Variants in CROCC2 observed in about 807,000 individuals in gnomAD.
CROCC2 encodes ciliary rootlet coiled-coil, rootletin family member 2.
In CROCC2, 163 loss-of-function variants were observed where a neutral mutation model predicts 177.6. The ratio of observed to expected loss-of-function variants is 0.92; its 90% CI spans 0.81 to 1.05. The LOEUF is 1.05. CROCC2 is among the 50% of genes least tolerant of loss of function. The probability of loss-of-function intolerance (pLI) is 0.00; values close to 1 mark genes in which losing one functional copy is unlikely to be tolerated. For synonymous variants in CROCC2, 904 were observed against 787.3 expected (o/e 1.15, Z -2.48); for missense variants, 1,929 against 1,797.8 (o/e 1.07, Z -1.32).
chr2:240,947,088 C>T (rs2059528628), intron 15 of CROCC2, among the ~76,000 whole-genome samples: 3 of 152,276 alleles, frequency 2.0e-5, no homozygotes, highest in South Asian at 2.1e-4. Context: ...TGCTTAGGGC[C>T]CTGCTCAGGC....
In CROCC2 at chr2:240,963,278, C is replaced by G. The variant is rs959685422; in HGVS notation, c.3088-278C>G. 12 of 483,878 alleles carry G rather than the reference C, an allele frequency of 2.5e-5. 1 individual carries two copies. In the Admixed American group the frequency reaches 2.6e-4, roughly 11 times the overall value. The allele number at this position is 483,878 out of a possible 1,614,324, so 30.0% of individuals were successfully genotyped here. A position where few individuals can be genotyped will look rare whatever the true frequency, so the allele number is the denominator to read the frequency against. On this transcript the variant is annotated intron_variant, in intron 20 of 31. Coordinates refer to ENST00000690015, the MANE Select transcript of CROCC2 (RefSeq NM_001351305.2). ...GCCTTGCTTACCAGTGGTCAGCGTCCTGGGGGTCCAGAGAGGCCGCAGCGT... is the reference window on the plus strand; with the variant it reads ...GCCTTGCTTACCAGTGGTCAGCGTCGTGGGGGTCCAGAGAGGCCGCAGCGT...
intron 22 of CROCC2, 139 bp from the exon 23 acceptor site, chr2:240,965,242 T>G: frequency 7.9e-7 from 1 of 1,270,332 alleles, no homozygotes; most frequent in Non-Finnish European, 1.1e-6. Flanking sequence ...CAAGGTCCTT[T>G]GGGGCACCTT....
Position 240,947,148 on chromosome 2 carries a change from T to C in CROCC2, c.2363+895T>C, listed in dbSNP as rs181134840. Among the ~76,000 whole-genome samples the C allele has an allele frequency of 3.9e-5, 6 of 152,378 alleles. No individual in the cohort carries two copies. The East Asian group carries it at 1.2e-3, about 29-fold the overall frequency. ...GATTTCCTCCTGGAATTCTAGAATC[T>C]GGGAGGCATGAGAAACCTTGGAGTC... On this transcript the variant is annotated intron_variant, in intron 15 of 31. Coordinates refer to ENST00000690015, the MANE Select transcript of CROCC2 (RefSeq NM_001351305.2).
intron 1 of CROCC2, among the ~76,000 whole-genome samples, chr2:240,914,539 G>A (rs1252850665): frequency 6.6e-6 from 1 of 152,228 alleles, no homozygotes. Flanking sequence ...GCTCCTCGCG[G>A]CCACACGGGG....
rs2059462740 is a variant in CROCC2, at chr2:240,935,481, G to A, written c.2062G>A (p.Gly688Ser). Reference sequence around the variant, plus strand: ...GGCGCTGGAGCGGGCAGAGCGCAGGGGCCTGCAGCAGGCCTGCGGACGCCT... The same window carrying A: ...GGCGCTGGAGCGGGCAGAGCGCAGGAGCCTGCAGCAGGCCTGCGGACGCCT... ...QLALERAERR[G>S]LQQACGRLEQ... The change falls in exon 14 of 32, where the codon GGC becomes AGC. Residue 688 changes from glycine to serine, a missense_variant. Physicochemically the swap from Gly to Ser is moderately conservative, Grantham distance 56. Transcript: ENST00000690015. 2 of 1,357,328 alleles carry A rather than the reference G, an allele frequency of 1.5e-6. No individual in the cohort carries two copies. Among genetic ancestry groups the A allele is most frequent in the South Asian group, 1.9e-5 (1 of 53,792 alleles). 84.1% of individuals were successfully genotyped at this position (1,357,328 alleles called of 1,614,324 possible).
At chr2:240,924,998 GGCCCCCCACACTGACCCA>G (rs2059386349) in intron 4 of CROCC2, among the ~76,000 whole-genome samples, 1 of 63,014 alleles carries the variant, frequency 1.6e-5, no homozygotes, top group Non-Finnish European at 3.1e-5. Flanking sequence ...ACACTGACCC[GGCCCCCCACACTGACCCA>G]GCCCCCACAT....
At chr2:240,989,371 C>G (rs1308327797) in intron 29 of CROCC2, among the ~76,000 whole-genome samples, 1 of 152,166 alleles carries the variant, frequency 6.6e-6, no homozygotes, top group Non-Finnish European at 1.5e-5. Context: ...CTCCGGACAC[C>G]CAGCCCAGCC....
chr2:240,933,235 G>A lies in CROCC2; in HGVS notation c.1356G>A (p.Gln452=), dbSNP rs906615265. 2 of 1,549,572 alleles carry A rather than the reference G, an allele frequency of 1.3e-6. No individual in the cohort carries two copies. The highest frequency in any genetic ancestry group is 1.7e-6 in the Non-Finnish European group (2 of 1,146,792). The change falls in exon 10 of 32, where the codon CAG becomes CAA. Residue 452 remains glutamine (Q), a synonymous_variant. Coordinates refer to ENST00000690015, the MANE Select transcript of CROCC2 (RefSeq NM_001351305.2). ...TGTGGGCCGCACAGAAGCTCCAGCA[G>A]GAGCGGGCTCGGGAGCAGGCACGGG... is the stretch of plus-strand genomic sequence containing the variant. The part of the protein sequence containing the change: ...RELWAAQKLQ[Q]ERAREQARER...
At position 240,993,222 on chromosome 2, in the gene CROCC2, C is replaced by A; in HGVS notation, c.*141C>A. On this transcript the variant is annotated 3_prime_UTR_variant, in exon 32 of 32. Transcript: ENST00000690015. ...AGCTCGCTCTCGGCAGTTTCAGGACCCTCCTTGCCCTGGCTGCTCATGGGG... is the reference window on the plus strand; with the variant it reads ...AGCTCGCTCTCGGCAGTTTCAGGACACTCCTTGCCCTGGCTGCTCATGGGG... The A allele has an allele frequency of 3.4e-6, 2 of 594,828 alleles. No individual in the cohort carries two copies. Among genetic ancestry groups the A allele is most frequent in the South Asian group, 4.1e-5 (2 of 48,370 alleles). 36.8% of individuals were successfully genotyped at this position (594,828 alleles called of 1,614,324 possible). A position where few individuals can be genotyped will look rare whatever the true frequency, so the allele number is the denominator to read the frequency against.
In CROCC2 at chr2:240,988,849, G is replaced by C. The variant is rs1315985035; in HGVS notation, c.4662G>C (p.Leu1554=). ...NSLHQEVDGA[L]RQNQQLQAQM... ...TGCACCAGGAGGTGGACGGAGCCCTGAGGCAAAATCAGCAGCTGCAGGTCA... is the reference window on the plus strand; with the variant it reads ...TGCACCAGGAGGTGGACGGAGCCCTCAGGCAAAATCAGCAGCTGCAGGTCA... The change falls in exon 29 of 32, where the codon CTG becomes CTC. Residue 1554 remains leucine (L), a synonymous_variant. Transcript: ENST00000690015. 6.7e-7 allele frequency: 1 copy of C among 1,495,996 alleles called. No homozygotes were observed. Among genetic ancestry groups the C allele is most frequent in the South Asian group, 1.3e-5 (1 of 76,756 alleles). The allele number at this position is 1,495,996 out of a possible 1,614,324, so 92.7% of individuals were successfully genotyped here. A position where few individuals can be genotyped will look rare whatever the true frequency, so the allele number is the denominator to read the frequency against.
intron 1 of CROCC2, 77 bp downstream of exon 1, chr2:240,906,668 G>C (rs1038968452): frequency 2.5e-6 from 1 of 398,990 alleles, no homozygotes; most frequent in Non-Finnish European, 4.4e-6. Flanking sequence ...GCGGCAAAGA[G>C]AGGGGATGGC....
chr2:240,956,031 G>A, intron 19 of CROCC2, 59 bp downstream of exon 19: 1 of 1,277,152 alleles, frequency 7.8e-7, no homozygotes, highest in Non-Finnish European at 1.1e-6. Context: ...AGACCCCAGG[G>A]GGCCACCCCT....
rs1179659571 is a variant in CROCC2, at chr2:240,919,983, C to G, written c.230C>G (p.Ala77Gly). 1 of 716,612 alleles carries G rather than the reference C, an allele frequency of 1.4e-6. No individual in the cohort carries two copies. Among genetic ancestry groups the G allele is most frequent in the Admixed American group, 2.0e-5 (1 of 50,020 alleles). 44.4% of individuals were successfully genotyped at this position (716,612 alleles called of 1,614,324 possible). A position where few individuals can be genotyped will look rare whatever the true frequency, so the allele number is the denominator to read the frequency against. ...AGSLSEEPPQ[A>G]GVQEPTATVA... ...CCAGGCTGACCCAGGTACCGTGCAG[C>G]AGGGGTACAGGAGCCGACAGCCACT... The change falls in exon 3 of 32, where the codon GCA (alanine) becomes GGA (glycine). Residue 77 changes from alanine (A) to glycine (G), a missense_variant and splice_region_variant. Ala to Gly is a moderately conservative substitution (Grantham distance 60). Around this residue, in one of 3 missense-constraint regions of CROCC2, gnomAD observed 1,397 missense variants for 1,239.9 expected, o/e 1.13. Coordinates refer to ENST00000690015, the MANE Select transcript of CROCC2 (RefSeq NM_001351305.2).
At chr2:240,919,218 C>G (rs956172677) in intron 2 of CROCC2, among the ~76,000 whole-genome samples, 2 of 151,796 alleles carry the variant, frequency 1.3e-5, no homozygotes, top group Non-Finnish European at 2.9e-5. Flanking sequence ...CCTCACCCCC[C>G]ACAGGGCCAC....
chr2:240,952,315 CA>C (rs71049540), intron 18 of CROCC2, among the ~76,000 whole-genome samples: 6,966 of 113,422 alleles, frequency 0.061, 290 homozygotes, highest in African/African-American at 0.15. Context: ...TACTCCTTCT[CA>C]AAAAAAAAAA....
At chr2:240,989,855 C>G (rs1483116567) in intron 30 of CROCC2, 22 bp downstream of exon 30, 2 of 1,521,386 alleles carry the variant, frequency 1.3e-6, no homozygotes, top group Non-Finnish European at 1.8e-6. Flanking sequence ...ACCCCAGCCC[C>G]CTGGGTGAGG....
In CROCC2 at chr2:240,960,233, A is replaced by G. The variant is rs1254778863; in HGVS notation, c.3087+789A>G. ...AGCTGGGCTCTGCCCACACAGCAGG[A>G]GGCGCGGACTTCACTGGGCTGGACA... On this transcript the variant is annotated intron_variant, in intron 20 of 31. Transcript: ENST00000690015. This position sits in a 1 kb window ranked among gnomAD's most constrained non-coding sequence, Gnocchi z 5.0. Among the ~76,000 whole-genome samples, 1 of 152,226 alleles carries G rather than the reference A, an allele frequency of 6.6e-6. No individual in the cohort carries two copies. The highest frequency in any genetic ancestry group is 1.5e-5 in the Non-Finnish European group (1 of 68,030).
chr2:240,981,220 GCTCATCC>G, intron 27 of CROCC2, among the ~76,000 whole-genome samples: 1 of 148,704 alleles, frequency 6.7e-6, no homozygotes, highest in African/African-American at 2.5e-5. Flanking sequence ...AGGAGCCCAG[GCTCATCC>G]CTGCTCAGTC....
Position 240,989,851 on chromosome 2 carries a change from G to A in CROCC2, c.4863+18G>A. On this transcript the variant is annotated intron_variant, in intron 30 of 31. Transcript: ENST00000690015. The stretch of plus-strand genomic sequence containing the variant: ...AAGAGCAGGTAAGGTCGGGACCCCA[G>A]CCCCCTGGGTGAGGGAAGAGGCAGG... 6.6e-7 allele frequency: 1 copy of A among 1,524,254 alleles called. No homozygotes were observed. Among genetic ancestry groups the A allele is most frequent in the Non-Finnish European group, 8.9e-7 (1 of 1,128,156 alleles). 94.4% of individuals were successfully genotyped at this position (1,524,254 alleles called of 1,614,324 possible). A position where few individuals can be genotyped will look rare whatever the true frequency, so the allele number is the denominator to read the frequency against.
Sources: allele counts gnomAD v4.1 joint callset (sites outside exome capture counted in the v4.1 genomes callset), GRCh38; gene constraint gnomAD v4.1.1; regional missense constraint gnomAD v4.1.1; non-coding constraint Gnocchi (gnomAD v3.1); transcripts MANE v1.5; gene names NCBI Gene and HGNC (gene_info 2026-07-23, HGNC 2026-07-21).